PFKFB3: variants seen among roughly 807,000 people sequenced by gnomAD.
PFKFB3 encodes the protein 6-phosphofructo-2-kinase/fructose-2,6-bisphosphatase 3.
A neutral mutation model predicts 68.0 loss-of-function variants in PFKFB3; 33 were observed. That is an observed-to-expected ratio of 0.49 (90% CI 0.37 to 0.65). The LOEUF is 0.65. PFKFB3 is among the 30% of genes least tolerant of loss of function. PFKFB3 has a pLI of 0.00. For missense variants in PFKFB3, 586 were observed against 712.2 expected (o/e 0.82, Z 2.02); for synonymous variants, 315 against 288.2 (o/e 1.09, Z -0.94).
the PFKFB3 span, among the ~76,000 whole-genome samples, chr10:6,281,979 G>A: frequency 6.3e-5 from 9 of 143,060 alleles, no homozygotes; most frequent in African/African-American, 7.7e-5. Flanking sequence ...TTTTTTAAGA[G>A]ATGAGGTCTC....
the PFKFB3 span, among the ~76,000 whole-genome samples, chr10:6,311,303 C>T: frequency 5.3e-5 from 8 of 152,208 alleles, no homozygotes; most frequent in East Asian, 1.9e-4. Context: ...CTGCATGGGC[C>T]GCCATGGAAA....
At chr10:6,326,404 T>C in the PFKFB3 span, 2 of 386,806 alleles carry the variant, frequency 5.2e-6, no homozygotes, top group Non-Finnish European at 1.0e-5. Context: ...TTTACCTATG[T>C]AGCAAACCTG....
At chr10:6,302,771 C>T in the PFKFB3 span, among the ~76,000 whole-genome samples, 3 of 144,056 alleles carry the variant, frequency 2.1e-5, no homozygotes, top group Admixed American at 1.4e-4. Flanking sequence ...CACACACACA[C>T]ACACACACAT....
chr10:6,265,563 A>G, the PFKFB3 span, among the ~76,000 whole-genome samples: 1 of 152,136 alleles, frequency 6.6e-6, no homozygotes, highest in Non-Finnish European at 1.5e-5. Flanking sequence ...CTCTTGGGGT[A>G]TCACCTATGA....
chr10:6,282,292 A>G, the PFKFB3 span, among the ~76,000 whole-genome samples: 3 of 152,192 alleles, frequency 2.0e-5, no homozygotes, highest in Non-Finnish European at 2.9e-5. Flanking sequence ...TCTTTGGGTC[A>G]GATTCTCAAG....
At chr10:6,238,477 CAAAAAAAAAAAAAAA>C (rs71390201), downstream of PFKFB3, among the ~76,000 whole-genome samples, 1 of 89,552 alleles carries the variant, frequency 1.1e-5, no homozygotes, top group Admixed American at 1.1e-4. Context: ...GGTGCCATCT[CAAAAAAAAAAAAAAA>C]AAAAAAAAAA....
downstream of PFKFB3, among the ~76,000 whole-genome samples, chr10:6,236,279 C>T (rs376659458): frequency 1.5e-4 from 23 of 152,194 alleles, no homozygotes; most frequent in Non-Finnish European, 2.6e-4. Context: ...GAGGTTGAGC[C>T]GGTTATTTCA....
chr10:6,229,160 C>A lies in PFKFB3; in HGVS notation c.1515+2795C>A. ...CAGCCTGAGATGCTGAAAAGAATGA[C>A]TGGCTTTGGAAATGGGAGAGGTTTG... On this transcript the variant is annotated intron_variant, in intron 14 of 14. Transcript: ENST00000379775. This position sits in a 1 kb window ranked among gnomAD's most constrained non-coding sequence, Gnocchi z 4.3. 1.9e-6 allele frequency: 1 copy of A among 529,436 alleles called. No homozygotes were observed. The highest frequency in any genetic ancestry group is 3.9e-6 in the Non-Finnish European group (1 of 257,900). 32.8% of individuals were successfully genotyped at this position (529,436 alleles called of 1,614,324 possible).
chr10:6,187,409 C>T (rs906672520), intron 1 of PFKFB3, among the ~76,000 whole-genome samples: 9 of 152,030 alleles, frequency 5.9e-5, no homozygotes, highest in Admixed American at 5.9e-4. Flanking sequence ...TCTCACTTCG[C>T]CTTACTGCCA....
chr10:6,146,631 C>A, intron 1 of PFKFB3: 1 of 861,430 alleles, frequency 1.2e-6, no homozygotes, highest in Non-Finnish European at 1.8e-6. Flanking sequence ...TCGATGTAGG[C>A]TCTGGTTGGG....
intron 1 of PFKFB3, among the ~76,000 whole-genome samples, chr10:6,205,513 C>A (rs1588470466): frequency 2.0e-5 from 3 of 150,024 alleles, no homozygotes; most frequent in African/African-American, 7.3e-5. Flanking sequence ...GTGCCTCAGT[C>A]TCCCGAGAAG....
the PFKFB3 span, among the ~76,000 whole-genome samples, chr10:6,311,260 T>C: frequency 2.0e-5 from 3 of 152,210 alleles, no homozygotes; most frequent in African/African-American, 7.2e-5. Flanking sequence ...ATTTCCTGTA[T>C]TGATTTCCAA....
chr10:6,203,483 C>G (rs148446465), intron 1 of PFKFB3, 147 bp downstream of exon 1: 3,684 of 258,088 alleles, frequency 0.014, 39 homozygotes, highest in Middle Eastern at 0.039. Context: ...GCGGGCTGCG[C>G]GTCCTTGGCC....
In PFKFB3 at chr10:6,253,594, A is replaced by G. The variant is rs1441909528; in HGVS notation, c.1516-584A>G. Among the ~76,000 whole-genome samples, 4 of 152,132 alleles carry G rather than the reference A, an allele frequency of 2.6e-5. No individual in the cohort carries two copies. In the South Asian group the frequency reaches 6.2e-4, roughly 24 times the overall value. ...GACATGAGCTCAGAAATGTCTTCCC[A>G]CTATCTTTGATTTCAACATTCTCCT... On this transcript the variant is annotated intron_variant, in intron 14 of 14. Coordinates refer to the PFKFB3 transcript ENST00000640683.
chr10:6,232,333 G>A (rs1275303938), intron 14 of PFKFB3, among the ~76,000 whole-genome samples: 2 of 152,090 alleles, frequency 1.3e-5, no homozygotes, highest in Non-Finnish European at 2.9e-5. Context: ...CAGAAGTGGG[G>A]CAGGGCTTTA....
chr10:6,282,691 A>G, the PFKFB3 span, among the ~76,000 whole-genome samples: 1 of 152,194 alleles, frequency 6.6e-6, no homozygotes, highest in Non-Finnish European at 1.5e-5. Flanking sequence ...TAAGGGGGAA[A>G]GTGAGCCTTA....
intron 1 of PFKFB3, among the ~76,000 whole-genome samples, chr10:6,192,218 G>A (rs1427406716): frequency 3.4e-5 from 5 of 148,144 alleles, no homozygotes; most frequent in Admixed American, 2.7e-4. Context: ...AAGGGAACAC[G>A]ATCCAGTCTC....
intron 1 of PFKFB3, among the ~76,000 whole-genome samples, chr10:6,149,176 G>A (rs1298793686): frequency 6.6e-6 from 1 of 152,204 alleles, no homozygotes; most frequent in African/African-American, 2.4e-5. Flanking sequence ...ATAAATCGTT[G>A]AGGTCCTTTT....
chr10:6,302,775 CACACAT>C, the PFKFB3 span, among the ~76,000 whole-genome samples: 43 of 135,296 alleles, frequency 3.2e-4, no homozygotes, highest in African/African-American at 8.3e-4. Context: ...CACACACACA[CACACAT>C]ATACACATAC....
Sources: allele counts gnomAD v4.1 joint callset (sites outside exome capture counted in the v4.1 genomes callset), GRCh38; gene constraint gnomAD v4.1.1; non-coding constraint Gnocchi (gnomAD v3.1); transcripts MANE v1.5; gene names NCBI Gene and HGNC (gene_info 2026-07-23, HGNC 2026-07-21).